RAB31: variants seen among roughly 807,000 people sequenced by gnomAD.
RAB31 encodes RAB31, member RAS oncogene family, also known as ras-related protein Rab-31.
RAB31 carries 21 observed loss-of-function variants against 25.6 expected under a neutral mutation model. That is an observed-to-expected ratio of 0.82 (90% CI 0.58 to 1.18). The LOEUF is 1.18. Among genes scored for constraint, RAB31 ranks in the 50% most tolerant of loss-of-function variants. The probability of loss-of-function intolerance (pLI) is 0.00; values close to 1 mark genes in which losing one functional copy is unlikely to be tolerated. For missense variants in RAB31, 196 were observed against 250.1 expected, an observed-to-expected ratio of 0.78 and a Z score of 1.46; for synonymous variants, 87 against 84.0, an observed-to-expected ratio of 1.04 and a Z score of -0.20.
At chr18:9,855,600 T>C (rs1265101205) in intron 6 of RAB31, among the ~76,000 whole-genome samples, 1 of 152,158 alleles carries the variant, frequency 6.6e-6, no homozygotes, top group Non-Finnish European at 1.5e-5. Context: ...GGCCCTAAGA[T>C]CGGGGTTTGC....
In RAB31 at chr18:9,862,455, T is replaced by G. The variant is rs574106431; in HGVS notation, c.*3130T>G. The stretch of plus-strand genomic sequence containing the variant: ...TAGGACCTTTCCGCCATGTATTCTA[T>G]TCTGTAGTAAAGCATTTCCATCAAC... On this transcript the variant is annotated 3_prime_UTR_variant, in exon 7 of 7. Coordinates refer to ENST00000578921, the MANE Select transcript of RAB31 (RefSeq NM_006868.4). The G allele has an allele frequency of 6.6e-6, 1 of 152,390 alleles. No individual in the cohort carries two copies. Among genetic ancestry groups the G allele is most frequent in the Non-Finnish European group, 1.5e-5 (1 of 68,036 alleles). The allele number at this position is 152,390 out of a possible 1,614,324, so 9.4% of individuals were successfully genotyped here.
intron 3 of RAB31, among the ~76,000 whole-genome samples, chr18:9,806,176 C>CAA (rs796534698): frequency 1.9e-5 from 2 of 107,278 alleles, no homozygotes; most frequent in African/African-American, 3.7e-5. Context: ...GACTCCGTCT[C>CAA]AAAAAAAAAA....
rs370613590 is a variant in RAB31, at chr18:9,755,774, A to G, written c.40-19504A>G. Among the ~76,000 whole-genome samples the G allele has an allele frequency of 1.8e-4, 28 of 152,282 alleles. No homozygotes were observed. The South Asian group carries it at 3.5e-3, about 19-fold the overall frequency. On this transcript the variant is annotated intron_variant, in intron 1 of 6. Coordinates refer to ENST00000578921, the MANE Select transcript of RAB31 (RefSeq NM_006868.4). Reference sequence around the variant, plus strand: ...CACACCCCCTCTCTCCTTTGAATGAATGAAAGATGCTAGCGTGCCTCATCT... The same window carrying G: ...CACACCCCCTCTCTCCTTTGAATGAGTGAAAGATGCTAGCGTGCCTCATCT...
At chr18:9,841,890 CAGA>C (rs1214921607) in intron 5 of RAB31, among the ~76,000 whole-genome samples, 5 of 152,186 alleles carry the variant, frequency 3.3e-5, no homozygotes, top group African/African-American at 1.2e-4. Flanking sequence ...TGTGACTTCT[CAGA>C]AGGTCAGATA....
At chr18:9,824,887 C>T (rs1355754764) in intron 5 of RAB31, among the ~76,000 whole-genome samples, 1 of 152,172 alleles carries the variant, frequency 6.6e-6, no homozygotes, top group Non-Finnish European at 1.5e-5. Context: ...GAATTTGAGG[C>T]ATGAAAGCAA....
intron 3 of RAB31, among the ~76,000 whole-genome samples, chr18:9,794,124 G>A (rs1823163220): frequency 1.3e-5 from 2 of 152,190 alleles, no homozygotes; most frequent in South Asian, 2.1e-4. Flanking sequence ...TGAACTCCTG[G>A]GCTCAAGCAG....
intron 1 of RAB31, among the ~76,000 whole-genome samples, chr18:9,715,997 A>AG (rs1233998673): frequency 6.6e-6 from 1 of 152,220 alleles, no homozygotes; most frequent in Non-Finnish European, 1.5e-5. Context: ...CCTAAATTGA[A>AG]CATGAACACA....
At chr18:9,777,219 T>C (rs1477254315) in intron 2 of RAB31, among the ~76,000 whole-genome samples, 1 of 152,166 alleles carries the variant, frequency 6.6e-6, no homozygotes, top group Non-Finnish European at 1.5e-5. Context: ...CACGCGCCTA[T>C]AGTCCCAGCT....
chr18:9,734,165 A>G (rs2068138473), intron 1 of RAB31, among the ~76,000 whole-genome samples: 1 of 151,990 alleles, frequency 6.6e-6, no homozygotes, highest in Non-Finnish European at 1.5e-5. Flanking sequence ...GTCCTCAGGT[A>G]CATAAGAGCT....
intron 1 of RAB31, among the ~76,000 whole-genome samples, chr18:9,756,927 A>G (rs1366806054): frequency 6.6e-6 from 1 of 152,172 alleles, no homozygotes; most frequent in African/African-American, 2.4e-5. Flanking sequence ...CTCCAGTTGT[A>G]TAAGTTTAGG....
At chr18:9,779,955 A>G (rs2068393487) in intron 2 of RAB31, among the ~76,000 whole-genome samples, 1 of 152,212 alleles carries the variant, frequency 6.6e-6, no homozygotes, top group Non-Finnish European at 1.5e-5. Context: ...CAGGTGGAAC[A>G]TTTGAGCCCA....
intron 1 of RAB31, among the ~76,000 whole-genome samples, chr18:9,760,945 G>A (rs9304044): frequency 0.6 from 91,243 of 151,862 alleles, 27,711 homozygotes; most frequent in East Asian, 0.85. Flanking sequence ...GCTACTCAAA[G>A]CAACTCTGAA....
chr18:9,796,218 T>C (rs1237317206), intron 3 of RAB31, among the ~76,000 whole-genome samples: 6 of 152,118 alleles, frequency 3.9e-5, no homozygotes, highest in African/African-American at 1.4e-4. Flanking sequence ...TGGACTTCGG[T>C]GACTTGCAGG....
chr18:9,786,552 G>C (rs188905914), intron 2 of RAB31, among the ~76,000 whole-genome samples: 33 of 152,332 alleles, frequency 2.2e-4, no homozygotes, highest in African/African-American at 7.5e-4. Flanking sequence ...CAACCTGTGG[G>C]ATCTGACAGT....
chr18:9,798,559 T>C (rs1289844010), intron 3 of RAB31, among the ~76,000 whole-genome samples: 2 of 152,220 alleles, frequency 1.3e-5, no homozygotes, highest in African/African-American at 4.8e-5. Context: ...AAACAAACAA[T>C]CACTTTGGGT....
chr18:9,733,762 C>T lies in RAB31; in HGVS notation c.39+25318C>T, dbSNP rs2068135353. Among the ~76,000 whole-genome samples, 4 of 152,172 alleles carry T rather than the reference C, an allele frequency of 2.6e-5. No individual in the cohort carries two copies. The South Asian group carries it at 8.3e-4, about 32-fold the overall frequency. ...CCTTCTGCAGCCAGCCTCTCCGTTG[C>T]CTGCAAACCCTTGCCCATCCTTCCC... On this transcript the variant is annotated intron_variant, in intron 1 of 6. Coordinates refer to ENST00000578921, the MANE Select transcript of RAB31 (RefSeq NM_006868.4).
At chr18:9,817,729 G>A (rs531454566) in intron 5 of RAB31, among the ~76,000 whole-genome samples, 1 of 152,328 alleles carries the variant, frequency 6.6e-6, no homozygotes, top group Admixed American at 6.5e-5. Flanking sequence ...GTGTTTCGGG[G>A]TGGAATTTGC....
intron 5 of RAB31, among the ~76,000 whole-genome samples, chr18:9,839,349 A>G (rs993530984): frequency 6.6e-6 from 1 of 152,148 alleles, no homozygotes; most frequent in African/African-American, 2.4e-5. Context: ...CCGTCCTGCT[A>G]AGGCGTTGGT....
In RAB31 at chr18:9,860,818, G is replaced by A. The variant is rs1250231988; in HGVS notation, c.*1493G>A. ...CAGGAAAGAGGTTGTGAGCTGATTG[G>A]ATTAAAGACCTGGCACTTCAGTAAC... On this transcript the variant is annotated 3_prime_UTR_variant, in exon 7 of 7. Coordinates refer to ENST00000578921, the MANE Select transcript of RAB31 (RefSeq NM_006868.4). 6.6e-6 allele frequency: 1 copy of A among 152,150 alleles called. No homozygotes were observed. The highest frequency in any genetic ancestry group is 2.4e-5 in the African/African-American group (1 of 41,434). 9.4% of individuals were successfully genotyped at this position (152,150 alleles called of 1,614,324 possible).
Sources: allele counts gnomAD v4.1 joint callset (sites outside exome capture counted in the v4.1 genomes callset), GRCh38; gene constraint gnomAD v4.1.1; transcripts MANE v1.5; gene names NCBI Gene and HGNC (gene_info 2026-07-23, HGNC 2026-07-21).